SGCD: variants seen among roughly 807,000 people sequenced by gnomAD.
SGCD encodes the protein sarcoglycan delta, also known as delta-sarcoglycan.
Under a neutral mutation model 36.6 loss-of-function variants are expected in SGCD, and 18 were observed. The ratio of observed to expected loss-of-function variants is 0.49; its 90% CI spans 0.34 to 0.73. The LOEUF is 0.73. Ranked by LOEUF, SGCD falls within the 30% of genes least tolerant of loss-of-function variation. The probability of loss-of-function intolerance (pLI) is 0.01; values close to 1 mark genes in which losing one functional copy is unlikely to be tolerated. For missense variants in SGCD, 387 were observed against 346.7 expected, an observed-to-expected ratio of 1.12 and a Z score of -0.92; for synonymous variants, 133 against 130.6, an observed-to-expected ratio of 1.02 and a Z score of -0.12.
At chr5:156,571,820 A>C (rs1759736911) in intron 4 of SGCD, among the ~76,000 whole-genome samples, 1 of 152,238 alleles carries the variant, frequency 6.6e-6, no homozygotes, top group Non-Finnish European at 1.5e-5. Flanking sequence ...CATCGAGTAC[A>C]TTTATAATGT....
intron 3 of SGCD, among the ~76,000 whole-genome samples, chr5:156,402,446 G>A (rs934147635): frequency 6.6e-6 from 1 of 152,210 alleles, no homozygotes; most frequent in Admixed American, 6.5e-5. Context: ...AGTATACTCT[G>A]AGAGATGATT....
At chr5:155,785,048 A>G in the SGCD span, among the ~76,000 whole-genome samples, 1 of 152,118 alleles carries the variant, frequency 6.6e-6, no homozygotes, top group Non-Finnish European at 1.5e-5. Flanking sequence ...CACATACCCC[A>G]GAGAAATTCT....
intron 1 of SGCD, among the ~76,000 whole-genome samples, chr5:156,105,412 C>T (rs768063959): frequency 6.6e-6 from 1 of 152,096 alleles, no homozygotes; most frequent in African/African-American, 2.4e-5. Context: ...GTAATATATA[C>T]CCAAATTTAA....
chr5:155,817,508 T>C, the SGCD span, among the ~76,000 whole-genome samples: 9 of 152,132 alleles, frequency 5.9e-5, no homozygotes, highest in Admixed American at 4.6e-4. Flanking sequence ...GGTTTCTTAC[T>C]TTCTTGTGTG....
chr5:155,998,951 T>C (rs1758610349), intron 1 of SGCD, among the ~76,000 whole-genome samples: 1 of 152,222 alleles, frequency 6.6e-6, no homozygotes, highest in Admixed American at 6.5e-5. Context: ...TGGGATCACA[T>C]TTGTGAAAAT....
At chr5:156,695,867 T>C (rs1754301209) in intron 7 of SGCD, among the ~76,000 whole-genome samples, 1 of 152,238 alleles carries the variant, frequency 6.6e-6, no homozygotes, top group Non-Finnish European at 1.5e-5. Flanking sequence ...AAGAATCCCA[T>C]GTCTTCCTGA....
intron 3 of SGCD, among the ~76,000 whole-genome samples, chr5:156,397,311 G>T (rs1280800031): frequency 6.6e-6 from 1 of 152,050 alleles, no homozygotes; most frequent in Non-Finnish European, 1.5e-5. Flanking sequence ...TATGCTTCAA[G>T]GTCTACAGAT....
the SGCD span, among the ~76,000 whole-genome samples, chr5:155,735,123 T>C: frequency 6.6e-6 from 1 of 152,190 alleles, no homozygotes. Context: ...TCAGAAAAAG[T>C]GGCCATTGTC....
intron 3 of SGCD, among the ~76,000 whole-genome samples, chr5:156,185,845 A>ATATG (rs1763735802): frequency 2.0e-5 from 1 of 50,310 alleles, no homozygotes; most frequent in African/African-American, 7.4e-5. Flanking sequence ...ATATATATAT[A>ATATG]TATATAGAGA....
At chr5:156,102,612 G>T (rs1218260362) in intron 1 of SGCD, among the ~76,000 whole-genome samples, 1 of 152,170 alleles carries the variant, frequency 6.6e-6, no homozygotes, top group Non-Finnish European at 1.5e-5. Context: ...TGTCTCCAAA[G>T]TCACTTGCAT....
chr5:156,215,744 T>A (rs1174890096), intron 3 of SGCD, among the ~76,000 whole-genome samples: 1 of 152,078 alleles, frequency 6.6e-6, no homozygotes, highest in Admixed American at 6.5e-5. Context: ...TAAAATAGTA[T>A]AGCCACTATG....
chr5:156,293,598 T>C (rs1766817624), intron 3 of SGCD, among the ~76,000 whole-genome samples: 1 of 152,214 alleles, frequency 6.6e-6, no homozygotes, highest in Non-Finnish European at 1.5e-5. Flanking sequence ...TTAAATGATA[T>C]TGAAACCTTT....
the SGCD span, among the ~76,000 whole-genome samples, chr5:155,754,669 A>C: frequency 1.3e-5 from 2 of 152,266 alleles, no homozygotes; most frequent in African/African-American, 4.8e-5. Context: ...AAACCACCTA[A>C]GAGTGTTAAG....
chr5:155,798,125 G>A, the SGCD span, among the ~76,000 whole-genome samples: 1 of 152,016 alleles, frequency 6.6e-6, no homozygotes, highest in Non-Finnish European at 1.5e-5. Flanking sequence ...ATTTTTTCCT[G>A]CCTATAAACC....
chr5:155,870,879 TC>T (rs1443948267), intron 1 of SGCD, among the ~76,000 whole-genome samples: 2 of 152,224 alleles, frequency 1.3e-5, no homozygotes, highest in Non-Finnish European at 2.9e-5. Flanking sequence ...GATCGTTATT[TC>T]AGCTTATCAC....
intron 3 of SGCD, among the ~76,000 whole-genome samples, chr5:156,500,582 T>C (rs1756402376): frequency 6.6e-6 from 1 of 152,180 alleles, no homozygotes; most frequent in African/African-American, 2.4e-5. Context: ...AAATCGCACT[T>C]TTTTTCTGTT....
the SGCD span, among the ~76,000 whole-genome samples, chr5:155,832,857 C>G: frequency 6.6e-6 from 1 of 151,410 alleles, no homozygotes; most frequent in Non-Finnish European, 1.5e-5. Flanking sequence ...TTATATGTAC[C>G]TTTTCAGCCA....
At chr5:156,429,518 G>A (rs1276057311) in intron 3 of SGCD, among the ~76,000 whole-genome samples, 1 of 150,534 alleles carries the variant, frequency 6.6e-6, no homozygotes, top group African/African-American at 2.4e-5. Flanking sequence ...TTTGACATTA[G>A]TATTAAGATG....
At chr5:156,755,807 T>C (rs57452961) in intron 7 of SGCD, among the ~76,000 whole-genome samples, 22,637 of 152,146 alleles carry the variant, frequency 0.15, 3,380 homozygotes, top group African/African-American at 0.38. Context: ...CCAGGACTAT[T>C]GCTTCTCTTG....
Sources: allele counts gnomAD v4.1 joint callset (sites outside exome capture counted in the v4.1 genomes callset), GRCh38; gene constraint gnomAD v4.1.1; transcripts MANE v1.5; gene names NCBI Gene and HGNC (gene_info 2026-07-23, HGNC 2026-07-21).